The following CYFIP2 variants were observed in gnomAD, a reference collection of about 807,000 sequenced individuals.
The protein encoded by CYFIP2 is cytoplasmic FMR1-interacting protein 2.
Under a neutral mutation model 158.7 loss-of-function variants are expected in CYFIP2, and 29 were observed. That is an observed-to-expected ratio of 0.18 (90% CI 0.14 to 0.25). The LOEUF is 0.25. CYFIP2 is among the 10% of genes least tolerant of loss of function. CYFIP2 has a pLI of 1.00. For synonymous variants in CYFIP2, 585 were observed against 617.6 expected (o/e 0.95, Z 0.78); for missense variants, 852 against 1,639.5 (o/e 0.52, Z 8.29).
chr5:157,314,872 T>G, intron 12 of CYFIP2, 97 bp from the exon 13 acceptor site: 1 of 1,033,836 alleles, frequency 9.7e-7, no homozygotes, highest in South Asian at 1.6e-5. Context: ...TTTATTCCTT[T>G]TTTCCAGCTG....
At chr5:157,297,862 A>G (rs901423005) in intron 5 of CYFIP2, among the ~76,000 whole-genome samples, 1 of 152,276 alleles carries the variant, frequency 6.6e-6, no homozygotes, top group Non-Finnish European at 1.5e-5. Context: ...TGAAAAATTC[A>G]GTTCCTCAGT....
At chr5:157,340,840 G>T (rs61247715) in intron 22 of CYFIP2, among the ~76,000 whole-genome samples, 1,635 of 152,254 alleles carry the variant, frequency 0.011, 38 homozygotes, top group African/African-American at 0.037. Flanking sequence ...CAAGCCCCTG[G>T]TTGAGCCCAG....
intron 23 of CYFIP2, among the ~76,000 whole-genome samples, chr5:157,341,368 A>G (rs1462926778): frequency 6.6e-6 from 1 of 151,652 alleles, no homozygotes. Context: ...TGGACAACAT[A>G]GCGAGACCCT....
In CYFIP2 at chr5:157,311,573, C is replaced by A; in HGVS notation, c.993-91C>A. 8.5e-7 allele frequency: 1 copy of A among 1,180,414 alleles called. No individual in the cohort carries two copies. The highest frequency in any genetic ancestry group is 1.2e-6 in the Non-Finnish European group (1 of 830,530). 73.1% of individuals were successfully genotyped at this position (1,180,414 alleles called of 1,614,324 possible). ...TTTGGTGTCACCCAGGGGAGTTGGC[C>A]ACGTGGGCTGAGCACCAGGAGCAGC... On this transcript the variant is annotated intron_variant, in intron 10 of 30. Transcript: ENST00000620254. The surrounding 1 kb of genome is among the most constrained non-coding windows in gnomAD (Gnocchi z 4.7).
chr5:157,393,144 T>G lies in CYFIP2; in HGVS notation c.*144T>G. ...CCTCCCCAAACACATCACCACTCCC[T>G]AGGGCGGGGCCTGTGCATGCTCTCC... On this transcript the variant is annotated 3_prime_UTR_variant, in exon 31 of 31. Transcript: ENST00000620254. 1 of 838,552 alleles carries G rather than the reference T, an allele frequency of 1.2e-6. No individual in the cohort carries two copies. The highest frequency in any genetic ancestry group is 1.8e-6 in the Non-Finnish European group (1 of 557,412). 51.9% of individuals were successfully genotyped at this position (838,552 alleles called of 1,614,324 possible).
intron 23 of CYFIP2, chr5:157,345,482 A>T (rs1330416040): frequency 1.3e-5 from 2 of 152,586 alleles, no homozygotes; most frequent in Non-Finnish European, 1.5e-5. Flanking sequence ...GCCCTTCTCC[A>T]AGCAGAGTGT....
intron 26 of CYFIP2, among the ~76,000 whole-genome samples, chr5:157,368,986 C>T (rs1363715567): frequency 6.6e-6 from 1 of 151,862 alleles, no homozygotes; most frequent in East Asian, 1.9e-4. Flanking sequence ...GCAGCCTCCA[C>T]CTCCTGGGTT....
intron 17 of CYFIP2, 106 bp downstream of exon 17, chr5:157,325,744 A>AT (rs1760970916): frequency 8.7e-7 from 1 of 1,154,978 alleles, no homozygotes; most frequent in Non-Finnish European, 1.2e-6. Flanking sequence ...TTGACAAGAA[A>AT]TGAGGCCATA....
intron 23 of CYFIP2, among the ~76,000 whole-genome samples, chr5:157,355,285 C>T (rs771819649): frequency 1.5e-4 from 23 of 152,168 alleles, no homozygotes; most frequent in Non-Finnish European, 2.8e-4. Context: ...ATCAGAGAAT[C>T]GTAGCTGTCG....
chr5:157,329,486 A>G (rs898236378), intron 19 of CYFIP2, among the ~76,000 whole-genome samples: 1 of 152,280 alleles, frequency 6.6e-6, no homozygotes, highest in African/African-American at 2.4e-5. Flanking sequence ...GGGAAAGCCC[A>G]GGAAGAAAAC....
chr5:157,367,966 C>T (rs560686188), intron 26 of CYFIP2, among the ~76,000 whole-genome samples: 1 of 152,198 alleles, frequency 6.6e-6, no homozygotes, highest in East Asian at 1.9e-4. Flanking sequence ...CCATGTTGGT[C>T]AGGCTGGTCT....
chr5:157,279,295 G>A (rs1580957246), intron 1 of CYFIP2, among the ~76,000 whole-genome samples: 1 of 152,314 alleles, frequency 6.6e-6, no homozygotes, highest in East Asian at 1.9e-4. Context: ...GCAGATGACA[G>A]ATTGAAACCC....
At chr5:157,274,060 G>A (rs1269728892) in intron 1 of CYFIP2, among the ~76,000 whole-genome samples, 4 of 151,420 alleles carry the variant, frequency 2.6e-5, no homozygotes, top group South Asian at 2.1e-4. Flanking sequence ...GTTTGAACCC[G>A]GCAGAGGTTG....
chr5:157,390,459 C>T, intron 29 of CYFIP2, 62 bp from the exon 30 acceptor site: 1 of 1,371,456 alleles, frequency 7.3e-7, no homozygotes, highest in South Asian at 1.3e-5. Flanking sequence ...GATGAGGCTC[C>T]CTCCCTCCCT....
chr5:157,367,930 T>C lies in CYFIP2; in HGVS notation c.3039+6332T>C, dbSNP rs1028246414. ...CCACCACACCCAGCTAATTTTTGTA[T>C]TTTTAGTAGAAGAGATGAGGTTTCA... is the stretch of plus-strand genomic sequence containing the variant. On this transcript the variant is annotated intron_variant, in intron 26 of 30. Transcript: ENST00000620254. Among the ~76,000 whole-genome samples the C allele has an allele frequency of 2.6e-5, 4 of 152,048 alleles. No individual in the cohort carries two copies. The East Asian group carries it at 7.7e-4, about 29-fold the overall frequency.
chr5:157,391,704 T>C (rs1165927869), intron 30 of CYFIP2, among the ~76,000 whole-genome samples: 3 of 152,262 alleles, frequency 2.0e-5, no homozygotes, highest in African/African-American at 7.2e-5. Flanking sequence ...TGGGTATTTT[T>C]GAAAATGGTT....
chr5:157,313,711 A>G (rs906700461), intron 11 of CYFIP2, among the ~76,000 whole-genome samples: 4 of 152,220 alleles, frequency 2.6e-5, no homozygotes, highest in Admixed American at 6.5e-5. Flanking sequence ...CTGTATATGT[A>G]TATATGTGTA....
intron 28 of CYFIP2, chr5:157,384,620 A>G (rs927717599): frequency 4.9e-6 from 2 of 412,242 alleles, no homozygotes; most frequent in East Asian, 7.3e-5. Flanking sequence ...CATGCCACCA[A>G]CCTCCTTCTG....
At chr5:157,389,470 T>A (rs951481413) in intron 29 of CYFIP2, 43 bp downstream of exon 29, 1 of 1,486,400 alleles carries the variant, frequency 6.7e-7, no homozygotes, top group African/African-American at 1.4e-5. Context: ...CCAACCTGCC[T>A]GTGCTCCTGC....
Sources: gnomAD v4.1 joint callset for allele counts (sites outside exome capture counted in the v4.1 genomes callset) on GRCh38, gnomAD v4.1.1 for gene constraint, Gnocchi (gnomAD v3.1) non-coding constraint, MANE v1.5 for transcripts, NCBI Gene and HGNC (gene_info 2026-07-23, HGNC 2026-07-21) for gene names.